The following CNTN5 variants were observed in gnomAD, a reference collection of about 807,000 sequenced individuals.
CNTN5 encodes contactin-5.
A neutral mutation model predicts 129.1 loss-of-function variants in CNTN5; 77 were observed. That is an observed-to-expected ratio of 0.60 (90% CI 0.50 to 0.72). CNTN5 has a LOEUF of 0.72. CNTN5 is among the 30% of genes least tolerant of loss of function. CNTN5 has a pLI of 0.00. For missense variants in CNTN5, 1,478 were observed against 1,328.8 expected (o/e 1.11, Z -1.75); for synonymous variants, 509 against 465.6 (o/e 1.09, Z -1.20).
chr11:99,319,396 A>T (rs1053309259), intron 1 of CNTN5, among the ~76,000 whole-genome samples: 5 of 152,282 alleles, frequency 3.3e-5, no homozygotes, highest in Admixed American at 3.3e-4. Flanking sequence ...TCACCTCCCC[A>T]TAAAAGCCTT....
intron 7 of CNTN5, among the ~76,000 whole-genome samples, chr11:99,923,890 C>T (rs545979476): frequency 2.0e-5 from 3 of 152,150 alleles, no homozygotes; most frequent in South Asian, 4.2e-4. Context: ...TGGCTTCAAG[C>T]GATTCCCCTG....
intron 9 of CNTN5, among the ~76,000 whole-genome samples, chr11:100,015,781 C>A (rs1036584205): frequency 1.3e-5 from 2 of 151,932 alleles, no homozygotes; most frequent in Non-Finnish European, 2.9e-5. Flanking sequence ...TTTCCAAAAG[C>A]ATAGGCTTTT....
At chr11:99,677,416 C>T (rs532066171) in intron 3 of CNTN5, among the ~76,000 whole-genome samples, 1 of 152,208 alleles carries the variant, frequency 6.6e-6, no homozygotes, top group South Asian at 2.1e-4. Context: ...ACATTTTCTA[C>T]CACATGAGCA....
chr11:99,949,766 G>C (rs1950631519), intron 7 of CNTN5, among the ~76,000 whole-genome samples: 1 of 152,142 alleles, frequency 6.6e-6, no homozygotes, highest in Non-Finnish European at 1.5e-5. Flanking sequence ...AAGAAAAATA[G>C]TTGCTGTCAC....
At chr11:100,161,543 A>G (rs1365405628) in intron 13 of CNTN5, among the ~76,000 whole-genome samples, 1 of 151,888 alleles carries the variant, frequency 6.6e-6, no homozygotes, top group African/African-American at 2.4e-5. Flanking sequence ...ATTGTAAGTA[A>G]CTTTACAGAG....
intron 8 of CNTN5, among the ~76,000 whole-genome samples, chr11:99,962,007 C>T (rs1194658442): frequency 2.0e-5 from 3 of 152,134 alleles, no homozygotes; most frequent in Non-Finnish European, 2.9e-5. Flanking sequence ...TATACACACA[C>T]ACATATATGC....
intron 1 of CNTN5, among the ~76,000 whole-genome samples, chr11:99,201,351 T>TCCTTCCTTCCTTCCTTCCTTCC (rs151051937): frequency 1.1e-5 from 1 of 88,154 alleles, no homozygotes; most frequent in Non-Finnish European, 2.2e-5. Context: ...CTTCCTTTCC[T>TCCTTCCTTCCTTCCTTCCTTCC]TTCCTTCCTT....
In CNTN5 at chr11:99,956,771, A is replaced by T. The variant is rs200237479; in HGVS notation, c.674-35A>T. The T allele has an allele frequency of 3.3e-4, 508 of 1,535,484 alleles. 8 individuals carry two copies. In the South Asian group the frequency reaches 5.5e-3, roughly 17 times the overall value. On this transcript the variant is annotated intron_variant, in intron 7 of 24. Coordinates refer to ENST00000524871, the MANE Select transcript of CNTN5 (RefSeq NM_014361.4). ...GCTTTGTCTGTTAATGAAAAAATCA[A>T]AGTCTTTCGTTGACCAAATTTTGTG...
At chr11:99,284,005 TA>T (rs1445771970) in intron 1 of CNTN5, among the ~76,000 whole-genome samples, 2 of 152,134 alleles carry the variant, frequency 1.3e-5, no homozygotes, top group Admixed American at 1.3e-4. Flanking sequence ...TTTAGCGTGG[TA>T]ACAAGGTTGC....
chr11:99,551,417 A>G lies in CNTN5; in HGVS notation c.-70-4728A>G, dbSNP rs1243555522. Among the ~76,000 whole-genome samples the G allele has an allele frequency of 2.0e-5, 3 of 152,136 alleles. No homozygotes were observed. In the East Asian group the frequency reaches 5.8e-4, roughly 29 times the overall value. ...GCTTTGGAATCTTAAGACGTGATGG[A>G]GCTTAAGGGTTAACATTATTTATTA... On this transcript the variant is annotated intron_variant, in intron 2 of 24. Coordinates refer to ENST00000524871, the MANE Select transcript of CNTN5 (RefSeq NM_014361.4).
intron 6 of CNTN5, among the ~76,000 whole-genome samples, chr11:99,857,009 CCT>C (rs149386491): frequency 6.7e-6 from 1 of 149,654 alleles, no homozygotes; most frequent in African/African-American, 2.5e-5. Context: ...TCCCTCCTTC[CCT>C]CTCTCTCTAT....
intron 13 of CNTN5, among the ~76,000 whole-genome samples, chr11:100,107,617 C>CA (rs1298889854): frequency 5.4e-5 from 8 of 147,458 alleles, no homozygotes; most frequent in Admixed American, 6.8e-5. Flanking sequence ...TAAAAGCAAA[C>CA]AAAAAAACTA....
intron 2 of CNTN5, among the ~76,000 whole-genome samples, chr11:99,353,420 T>C (rs11600645): frequency 0.47 from 71,324 of 151,958 alleles, 17,621 homozygotes; most frequent in East Asian, 0.83. Flanking sequence ...TTGTCCAAAC[T>C]AGTATTTGGG....
At chr11:99,193,955 A>G (rs1432268103) in intron 1 of CNTN5, among the ~76,000 whole-genome samples, 3 of 150,614 alleles carry the variant, frequency 2.0e-5, no homozygotes, top group Non-Finnish European at 4.5e-5. Flanking sequence ...AATGTTTTAA[A>G]TGACTGTGTT....
intron 4 of CNTN5, 22 bp from the exon 5 acceptor site, chr11:99,844,830 T>C: frequency 6.3e-7 from 1 of 1,586,194 alleles, no homozygotes; most frequent in Non-Finnish European, 8.6e-7. Flanking sequence ...AAATTTAAAA[T>C]GTGTCTGTTT....
intron 7 of CNTN5, among the ~76,000 whole-genome samples, chr11:99,956,308 A>C (rs779045331): frequency 1.3e-5 from 2 of 152,074 alleles, no homozygotes; most frequent in Non-Finnish European, 2.9e-5. Context: ...TAAGTTACAA[A>C]ATGGGATGTG....
chr11:100,007,202 G>C (rs1351058114), intron 9 of CNTN5, among the ~76,000 whole-genome samples: 1 of 152,108 alleles, frequency 6.6e-6, no homozygotes, highest in East Asian at 1.9e-4. Context: ...ACACAGAGTA[G>C]ATTTAACATA....
intron 3 of CNTN5, among the ~76,000 whole-genome samples, chr11:99,570,900 T>C (rs764601826): frequency 2.6e-5 from 4 of 152,078 alleles, no homozygotes; most frequent in African/African-American, 7.2e-5. Flanking sequence ...ACAAGCCACA[T>C]GAATATCTGA....
chr11:99,206,767 T>C (rs911037660), intron 1 of CNTN5, among the ~76,000 whole-genome samples: 2 of 152,162 alleles, frequency 1.3e-5, no homozygotes, highest in Non-Finnish European at 2.9e-5. Context: ...GGATTTTGGA[T>C]AACAATTTAA....
Sources: allele counts gnomAD v4.1 joint callset (sites outside exome capture counted in the v4.1 genomes callset), GRCh38; gene constraint gnomAD v4.1.1; transcripts MANE v1.5; gene names NCBI Gene and HGNC (gene_info 2026-07-23, HGNC 2026-07-21).